The following SLC22A2 variants were observed in gnomAD, a reference collection of about 807,000 sequenced individuals.
SLC22A2 encodes solute carrier family 22 member 2.
In SLC22A2, 46 loss-of-function variants were observed where a neutral mutation model predicts 60.5. The observed-to-expected ratio is 0.76, with a 90% CI of 0.60 to 0.97. The LOEUF (loss-of-function observed/expected upper bound fraction) is 0.97. SLC22A2 is among the 50% of genes least tolerant of loss of function. The pLI is 0.00. For synonymous variants in SLC22A2, 303 were observed against 267.0 expected (o/e 1.13, Z -1.31); for missense variants, 701 against 706.6 (o/e 0.99, Z 0.09).
At chr6:160,240,330 T>C (rs565952243) in intron 9 of SLC22A2, among the ~76,000 whole-genome samples, 3 of 152,306 alleles carry the variant, frequency 2.0e-5, no homozygotes, top group Admixed American at 2.0e-4. Flanking sequence ...AAGAAAAGAA[T>C]CAATTATGCA....
chr6:160,249,655 C>T (rs1209525166), intron 3 of SLC22A2, among the ~76,000 whole-genome samples: 1 of 152,150 alleles, frequency 6.6e-6, no homozygotes, highest in Non-Finnish European at 1.5e-5. Flanking sequence ...TTTCATGATG[C>T]AATTGTATTT....
In SLC22A2 at chr6:160,228,096, T is replaced by C. The variant is rs529419302; in HGVS notation, c.1502-3292A>G. ...TGTGGAGTAGCCATTCTTTATTCCTTGACTTCCTTAATAAAGTTGCTTTCA... is the reference window on the plus strand; with the variant it reads ...TGTGGAGTAGCCATTCTTTATTCCTCGACTTCCTTAATAAAGTTGCTTTCA... On this transcript the variant is annotated intron_variant, in intron 9 of 10. Transcript: ENST00000366953. Among the ~76,000 whole-genome samples, 6 of 152,370 alleles carry C rather than the reference T, an allele frequency of 3.9e-5. No homozygotes were observed. In the South Asian group the frequency reaches 1.0e-3, roughly 26 times the overall value.
chr6:160,248,396 G>A (rs1783131247), intron 4 of SLC22A2, among the ~76,000 whole-genome samples: 1 of 152,198 alleles, frequency 6.6e-6, no homozygotes, highest in Non-Finnish European at 1.5e-5. Flanking sequence ...CCCGGTCCAT[G>A]GCATTTTGTC....
chr6:160,248,876 G>T (rs1038373991), intron 4 of SLC22A2, among the ~76,000 whole-genome samples: 27 of 152,188 alleles, frequency 1.8e-4, no homozygotes, highest in Non-Finnish European at 3.5e-4. Flanking sequence ...AGTGGGGAGA[G>T]AATAGTAATA....
At chr6:160,250,187 A>G (rs1460592201) in intron 3 of SLC22A2, among the ~76,000 whole-genome samples, 1 of 152,176 alleles carries the variant, frequency 6.6e-6, no homozygotes, top group African/African-American at 2.4e-5. Flanking sequence ...AAAGTATTAA[A>G]GTCCTTTATA....
In SLC22A2 at chr6:160,227,998, A is replaced by T. The variant is rs59978296; in HGVS notation, c.1502-3194T>A. Among the ~76,000 whole-genome samples the T allele has an allele frequency of 2.7e-3, 416 of 152,324 alleles. 2 individuals carry two copies. The highest frequency in any genetic ancestry group is 9.6e-3 in the African/African-American group (401 of 41,560). ...AAAACAGGAAACTCATTAATAACCC[A>T]CCTTTTGTTTAGCATATAATCAAGA... On this transcript the variant is annotated intron_variant, in intron 9 of 10. Coordinates refer to ENST00000366953, the MANE Select transcript of SLC22A2 (RefSeq NM_003058.4).
chr6:160,250,191 C>T (rs1167491442), intron 3 of SLC22A2, among the ~76,000 whole-genome samples: 4 of 152,048 alleles, frequency 2.6e-5, no homozygotes, highest in Non-Finnish European at 5.9e-5. Context: ...TATTAAAGTC[C>T]TTTATAAATC....
chr6:160,255,468 T>A lies in SLC22A2; in HGVS notation c.518+1146A>T, dbSNP rs146918525. On this transcript the variant is annotated intron_variant, in intron 2 of 10. Transcript: ENST00000366953. ...TTAACATTATACTCACAGGTTTGGA[T>A]TATATCATAGATGTAGTTGGGGATG... Among the ~76,000 whole-genome samples the A allele has an allele frequency of 9.2e-5, 14 of 152,346 alleles. No homozygotes were observed. The East Asian group carries it at 2.7e-3, about 29-fold the overall frequency.
intron 3 of SLC22A2, among the ~76,000 whole-genome samples, chr6:160,249,640 A>G (rs1783152201): frequency 6.6e-6 from 1 of 152,262 alleles, no homozygotes; most frequent in East Asian, 1.9e-4. Flanking sequence ...CATTTGATTT[A>G]TAATTTTCAT....
At chr6:160,235,738 G>A (rs907537561) in intron 9 of SLC22A2, among the ~76,000 whole-genome samples, 5 of 151,740 alleles carry the variant, frequency 3.3e-5, no homozygotes, top group South Asian at 2.1e-4. Context: ...GTTATAAAAG[G>A]TTTATGAGAA....
At position 160,242,216 on chromosome 6, in the gene SLC22A2, T is replaced by C. The variant is rs1376940303; in HGVS notation, c.1388+78A>G. ...CTGTGTTTTGAAGGTAAGATATCCTTTGTCTGCACTTGTGGTGGTTCCAGC... is the reference window on the plus strand; with the variant it reads ...CTGTGTTTTGAAGGTAAGATATCCTCTGTCTGCACTTGTGGTGGTTCCAGC... On this transcript the variant is annotated intron_variant, in intron 8 of 10. Transcript: ENST00000366953. 4 of 834,774 alleles carry C rather than the reference T, an allele frequency of 4.8e-6. No individual in the cohort carries two copies. The African/African-American group carries it at 6.7e-5, about 14-fold the overall frequency. 51.7% of individuals were successfully genotyped at this position (834,774 alleles called of 1,614,324 possible).
At chr6:160,229,079 C>A (rs1450017529) in intron 9 of SLC22A2, among the ~76,000 whole-genome samples, 1 of 151,850 alleles carries the variant, frequency 6.6e-6, no homozygotes, top group Non-Finnish European at 1.5e-5. Context: ...GATCAGGGGA[C>A]CTCTCTTGGG....
At chr6:160,256,125 GC>G (rs2114873241) in intron 2 of SLC22A2, among the ~76,000 whole-genome samples, 2 of 151,948 alleles carry the variant, frequency 1.3e-5, no homozygotes, top group South Asian at 4.2e-4. Flanking sequence ...GTCATATATG[GC>G]CCCAGGAACC....
intron 9 of SLC22A2, among the ~76,000 whole-genome samples, chr6:160,226,420 C>G (rs1481981734): frequency 6.6e-6 from 1 of 152,178 alleles, no homozygotes; most frequent in Non-Finnish European, 1.5e-5. Context: ...AATTGACTGT[C>G]TAGGCAGCAG....
At chr6:160,233,830 A>G (rs1269549582) in intron 9 of SLC22A2, among the ~76,000 whole-genome samples, 1 of 151,468 alleles carries the variant, frequency 6.6e-6, no homozygotes, top group Non-Finnish European at 1.5e-5. Context: ...ATCACTCATC[A>G]TCTCTCCATA....
chr6:160,247,121 T>C, intron 5 of SLC22A2, 63 bp downstream of exon 5: 6 of 976,724 alleles, frequency 6.1e-6, no homozygotes, highest in Admixed American at 3.5e-5. Flanking sequence ...CTGGCATGCA[T>C]GAATCTTACC....
chr6:160,229,665 C>T (rs1782787437), intron 9 of SLC22A2, among the ~76,000 whole-genome samples: 1 of 151,762 alleles, frequency 6.6e-6, no homozygotes, highest in Non-Finnish European at 1.5e-5. Context: ...CTCCTTCTCT[C>T]TGTGTCTCTA....
chr6:160,242,043 ATC>A (rs1044423237), intron 8 of SLC22A2, among the ~76,000 whole-genome samples: 1 of 152,020 alleles, frequency 6.6e-6, no homozygotes, highest in Non-Finnish European at 1.5e-5. Flanking sequence ...TTCCACAACA[ATC>A]TCCCCTGTAG....
intron 5 of SLC22A2, 53 bp from the exon 6 acceptor site, chr6:160,245,598 G>C (rs1783080448): frequency 1.9e-6 from 2 of 1,054,892 alleles, no homozygotes; most frequent in African/African-American, 3.3e-5. Flanking sequence ...TAGTGTCCCT[G>C]GGTCACATAG....
Sources: allele counts gnomAD v4.1 joint callset (sites outside exome capture counted in the v4.1 genomes callset), GRCh38; gene constraint gnomAD v4.1.1; transcripts MANE v1.5; gene names NCBI Gene and HGNC (gene_info 2026-07-23, HGNC 2026-07-21).